The following RRP12 variants were observed in gnomAD, a reference collection of about 807,000 sequenced individuals.
RRP12 encodes the protein RRP12-like protein.
A neutral mutation model predicts 157.3 loss-of-function variants in RRP12; 78 were observed. The ratio of observed to expected loss-of-function variants is 0.50; its 90% confidence interval spans 0.41 to 0.60. The LOEUF (loss-of-function observed/expected upper bound fraction) is 0.60. Ranked by LOEUF, RRP12 falls within the 20% of genes least tolerant of loss-of-function variation. The probability of loss-of-function intolerance (pLI) is 0.00; values close to 1 mark genes in which losing one functional copy is unlikely to be tolerated. For missense variants in RRP12, 1,521 were observed against 1,679.9 expected (o/e 0.91, Z 1.65); for synonymous variants, 726 against 670.9 (o/e 1.08, Z -1.27).
chr10:97,362,087 A>C (rs1396829650), intron 30 of RRP12, among the ~76,000 whole-genome samples: 2 of 149,352 alleles, frequency 1.3e-5, no homozygotes, highest in Non-Finnish European at 3.0e-5. Context: ...AGCCTGGCGA[A>C]AAAGTGAGAC....
chr10:97,371,031 C>T lies in RRP12; in HGVS notation c.2394G>A (p.Val798=), dbSNP rs1455284913. ...QKKAYRVLEE[V]CASPQGPGAL... ...CCCCGGGGCCCTGAGGACTGGCACA[C>T]ACCTCCTCCAGCACTCGGTAGGCCT... The change falls in exon 21 of 34, where the codon GTG becomes GTA. Residue 798 remains valine (V), a synonymous_variant. Coordinates refer to ENST00000370992, the MANE Select transcript of RRP12 (RefSeq NM_015179.4). 1 of 1,613,960 alleles carries T rather than the reference C, an allele frequency of 6.2e-7. No homozygotes were observed. The highest frequency in any genetic ancestry group is 1.3e-5 in the African/African-American group (1 of 75,038).
At chr10:97,389,848 G>A (rs796750329) in intron 6 of RRP12, among the ~76,000 whole-genome samples, 1 of 152,054 alleles carries the variant, frequency 6.6e-6, no homozygotes, top group Non-Finnish European at 1.5e-5. Context: ...GAGTAGCTGG[G>A]ATTACAAGCA....
At chr10:97,386,049 G>A (rs1844623316) in intron 8 of RRP12, 56 bp from the exon 9 acceptor site, 1 of 1,211,270 alleles carries the variant, frequency 8.3e-7, no homozygotes, top group African/African-American at 1.5e-5. Context: ...GCTGGCCCTG[G>A]ACCCCTCAAC....
intron 29 of RRP12, 151 bp downstream of exon 29, chr10:97,365,957 T>G: frequency 1.0e-6 from 1 of 956,452 alleles, no homozygotes; most frequent in Middle Eastern, 2.4e-4. Context: ...TCTTAATGTT[T>G]CTCAAAAAAA....
chr10:97,364,657 C>T (rs1843926028), intron 29 of RRP12, among the ~76,000 whole-genome samples: 1 of 152,224 alleles, frequency 6.6e-6, no homozygotes, highest in Non-Finnish European at 1.5e-5. Flanking sequence ...ATGGAGACTG[C>T]AGTGAGTCGA....
At chr10:97,356,614 GA>G (rs918531194), downstream of RRP12, 7 of 154,106 alleles carry the variant, frequency 4.5e-5, no homozygotes, top group African/African-American at 1.7e-4. Context: ...AGTTAGACAG[GA>G]AGAGGTCAGG....
At position 97,373,142 on chromosome 10, in the gene RRP12, G is replaced by A; in HGVS notation, c.2085C>T (p.Asn695=). The change falls in exon 18 of 34, where the codon AAC becomes AAT. Residue 695 remains asparagine (N), a synonymous_variant. Coordinates refer to ENST00000370992, the MANE Select transcript of RRP12 (RefSeq NM_015179.4). Reference sequence around the variant, plus strand: ...CGGCTGCCACGGGCTGCCCATACAGGTTGAAGAGGATCGGCAGAAAGTTCT... The same window carrying A: ...CGGCTGCCACGGGCTGCCCATACAGATTGAAGAGGATCGGCAGAAAGTTCT... ...FAKNFLPILF[N]LYGQPVAAGD... 6.2e-7 allele frequency: 1 copy of A among 1,614,194 alleles called. No homozygotes were observed. The highest frequency in any genetic ancestry group is 8.5e-7 in the Non-Finnish European group (1 of 1,180,020).
chr10:97,377,024 C>A (rs1844328969), intron 15 of RRP12, among the ~76,000 whole-genome samples: 1 of 151,758 alleles, frequency 6.6e-6, no homozygotes, highest in Non-Finnish European at 1.5e-5. Context: ...GGATTATAGG[C>A]ACCTACCACC....
At chr10:97,377,149 G>C (rs989153247) in intron 15 of RRP12, among the ~76,000 whole-genome samples, 3 of 151,942 alleles carry the variant, frequency 2.0e-5, no homozygotes, top group Non-Finnish European at 4.4e-5. Flanking sequence ...CCGAGTGCTA[G>C]GATTACAGGT....
chr10:97,361,931 A>G (rs1173732132), intron 30 of RRP12, among the ~76,000 whole-genome samples: 1 of 151,360 alleles, frequency 6.6e-6, no homozygotes, highest in Non-Finnish European at 1.5e-5. Flanking sequence ...ACATGATGAA[A>G]CCCCATCTCC....
chr10:97,373,336 G>A, intron 17 of RRP12, 136 bp from the exon 18 acceptor site: 2 of 1,054,832 alleles, frequency 1.9e-6, no homozygotes, highest in Non-Finnish European at 2.7e-6. Flanking sequence ...GGCTCTCTGT[G>A]GCAGAAGCTG....
intron 29 of RRP12, 88 bp downstream of exon 29, chr10:97,366,020 G>C (rs1295814884): frequency 1.4e-5 from 21 of 1,554,906 alleles, no homozygotes; most frequent in Non-Finnish European, 1.8e-5. Flanking sequence ...AGTTTCTCTG[G>C]TCTGTTTTTA....
intron 12 of RRP12, 27 bp from the exon 13 acceptor site, chr10:97,380,940 C>A (rs1183307880): frequency 6.4e-7 from 1 of 1,556,590 alleles, no homozygotes; most frequent in African/African-American, 1.4e-5. Flanking sequence ...ACAGTCAGGG[C>A]CACGGTCACA....
chr10:97,373,449 A>T (rs897280444), intron 17 of RRP12, 126 bp downstream of exon 17: 15 of 1,147,846 alleles, frequency 1.3e-5, no homozygotes, highest in East Asian at 1.0e-4. Flanking sequence ...CAGCAGAAGC[A>T]GCAAAGGATG....
At chr10:97,376,910 C>T (rs555566104) in intron 15 of RRP12, among the ~76,000 whole-genome samples, 5 of 149,200 alleles carry the variant, frequency 3.4e-5, no homozygotes, top group African/African-American at 4.9e-5. Context: ...GACAGAGTCT[C>T]GCTGTGTTGC....
chr10:97,375,902 G>A (rs1297849898), intron 15 of RRP12, among the ~76,000 whole-genome samples: 1 of 152,156 alleles, frequency 6.6e-6, no homozygotes, highest in East Asian at 1.9e-4. Context: ...TCAGGAGTCC[G>A]AGACCTGCCT....
intron 3 of RRP12, among the ~76,000 whole-genome samples, chr10:97,394,121 T>G (rs1844888664): frequency 6.6e-6 from 1 of 152,050 alleles, no homozygotes; most frequent in Admixed American, 6.6e-5. Context: ...GGAGGGCAGA[T>G]CACGAGGTCA....
At chr10:97,396,173 T>A (rs1246022840) in intron 3 of RRP12, 45 bp downstream of exon 3, 18 of 1,384,736 alleles carry the variant, frequency 1.3e-5, no homozygotes, top group Non-Finnish European at 1.9e-5. Flanking sequence ...AAATCTTGCA[T>A]AACCTGCTGC....
Position 97,373,696 on chromosome 10 carries a change from A to T in RRP12, c.1905T>A (p.Asp635Glu). 1 of 1,613,906 alleles carries T rather than the reference A, an allele frequency of 6.2e-7. No homozygotes were observed. The highest frequency in any genetic ancestry group is 8.5e-7 in the Non-Finnish European group (1 of 1,179,830). ...CCAGCCCTTTGAAGGAGATGGCCACATCTGTAGGCCTTGTGCAGAACCCAG... is the reference window on the plus strand; with the variant it reads ...CCAGCCCTTTGAAGGAGATGGCCACTTCTGTAGGCCTTGTGCAGAACCCAG... ...LLPGFCTRPT[D>E]VAISFKGLAR... The change falls in exon 17 of 34, where the codon GAT becomes GAA. Residue 635 changes from aspartate (D) to glutamate (E), a missense_variant. Transcript: ENST00000370992.
Sources: gnomAD v4.1 joint callset for allele counts (sites outside exome capture counted in the v4.1 genomes callset) on GRCh38, gnomAD v4.1.1 for gene constraint, MANE v1.5 for transcripts, NCBI Gene and HGNC (gene_info 2026-07-23, HGNC 2026-07-21) for gene names.